The following ADGB variants were observed in gnomAD, a reference collection of about 807,000 sequenced individuals.
The protein encoded by ADGB is calpain-7-like protein.
In ADGB, 172 loss-of-function variants were observed where a neutral mutation model predicts 210.5. The observed-to-expected ratio is 0.82, with a 90% confidence interval of 0.72 to 0.93. ADGB has a LOEUF of 0.93. ADGB is among the 40% of genes least tolerant of loss of function. The pLI is 0.00. For synonymous variants in ADGB, 658 were observed against 662.7 expected (o/e 0.99, Z 0.11); for missense variants, 2,025 against 1,964.8 (o/e 1.03, Z -0.58).
intron 24 of ADGB, 109 bp from the exon 25 acceptor site, chr6:146,741,009 A>T: frequency 2.6e-6 from 2 of 772,318 alleles, no homozygotes; most frequent in Non-Finnish European, 3.8e-6. Context: ...TGTGCCTTTT[A>T]GTTATTTGGA....
At chr6:146,682,819 T>C (rs191920284) in intron 9 of ADGB, among the ~76,000 whole-genome samples, 91 of 152,318 alleles carry the variant, frequency 6.0e-4, no homozygotes, top group African/African-American at 2.1e-3. Context: ...ATAATTCTTA[T>C]ATTTTCTTGG....
chr6:146,741,690 C>T (rs998694671), intron 25 of ADGB, among the ~76,000 whole-genome samples: 1 of 152,108 alleles, frequency 6.6e-6, no homozygotes, highest in Admixed American at 6.6e-5. Flanking sequence ...TACATAGCCA[C>T]CAACCATCAC....
intron 29 of ADGB, among the ~76,000 whole-genome samples, chr6:146,773,720 C>A (rs1777686394): frequency 6.6e-6 from 1 of 152,128 alleles, no homozygotes; most frequent in African/African-American, 2.4e-5. Flanking sequence ...CTGATTTATT[C>A]CAAAGCCCAG....
chr6:146,709,911 G>A (rs1776635545), intron 13 of ADGB, among the ~76,000 whole-genome samples: 1 of 152,062 alleles, frequency 6.6e-6, no homozygotes, highest in African/African-American at 2.4e-5. Flanking sequence ...CTCTTATGAA[G>A]ATATTTTCTT....
Position 146,654,170 on chromosome 6 carries a change from C to T in ADGB, c.366C>T (p.Asp122=). The T allele has an allele frequency of 1.3e-6, 2 of 1,544,098 alleles. No homozygotes were observed. Among genetic ancestry groups the T allele is most frequent in the Non-Finnish European group, 1.8e-6 (2 of 1,141,950 alleles). The change falls in exon 4 of 36, where the codon GAC becomes GAT. Residue 122 remains aspartate (D), a synonymous_variant. Transcript: ENST00000397944. ...PVVVKNEITF[D]LFSANEHLLC... Reference sequence around the variant, plus strand: ...TTGTGAAAAATGAAATCACGTTTGACTTATTTTCAGCAAATGAACATTTAC... The same window carrying T: ...TTGTGAAAAATGAAATCACGTTTGATTTATTTTCAGCAAATGAACATTTAC...
At chr6:146,649,875 T>C (rs530725856) in intron 3 of ADGB, among the ~76,000 whole-genome samples, 5 of 152,324 alleles carry the variant, frequency 3.3e-5, no homozygotes, top group African/African-American at 1.2e-4. Context: ...ATTTTATGAA[T>C]ACTCACTTAC....
intron 2 of ADGB, among the ~76,000 whole-genome samples, chr6:146,642,050 A>G (rs1046160592): frequency 1.3e-5 from 2 of 152,152 alleles, no homozygotes; most frequent in Non-Finnish European, 2.9e-5. Flanking sequence ...ACTTAAACAC[A>G]TTTACAAGAG....
Position 146,717,563 on chromosome 6 carries a change from T to C in ADGB, c.1956T>C (p.Ser652=), listed in dbSNP as rs1776753721. ...ATATATATATTTTCCACAAGCCAAG[T>C]TCATATTGCCTTAACTTTCAAAAAT... ...FQNIYIFHKP[S]SYCLNFQKSE... The change falls in exon 16 of 36, where the codon AGT becomes AGC. Residue 652 remains serine, a synonymous_variant. Transcript: ENST00000397944. 2.1e-6 allele frequency: 3 copies of C among 1,409,582 alleles called. 1 individual carries two copies. The South Asian group carries it at 4.0e-5, about 19-fold the overall frequency. 87.3% of individuals were successfully genotyped at this position (1,409,582 alleles called of 1,614,324 possible). A position where few individuals can be genotyped will look rare whatever the true frequency, so the allele number is the denominator to read the frequency against.
At chr6:146,801,650 C>T (rs528615749) in intron 34 of ADGB, among the ~76,000 whole-genome samples, 178 bp from the exon 35 acceptor site, 2 of 152,312 alleles carry the variant, frequency 1.3e-5, no homozygotes, top group Admixed American at 1.3e-4. Context: ...ATCAGTGACT[C>T]AATAAATGGA....
At chr6:146,681,615 G>C (rs1349388903) in intron 9 of ADGB, among the ~76,000 whole-genome samples, 1 of 151,922 alleles carries the variant, frequency 6.6e-6, no homozygotes, top group Non-Finnish European at 1.5e-5. Context: ...AATTAGCCTT[G>C]GGAATTACAC....
chr6:146,652,448 C>T (rs969262854), intron 3 of ADGB, among the ~76,000 whole-genome samples: 1 of 151,996 alleles, frequency 6.6e-6, no homozygotes, highest in Admixed American at 6.6e-5. Flanking sequence ...CAAGATGCTG[C>T]TTGTATAGAT....
In ADGB at chr6:146,734,031, G is replaced by A; in HGVS notation, c.2794+1G>A. On this transcript the variant is annotated splice_donor_variant, in intron 22 of 35. Coordinates refer to ENST00000397944, the MANE Select transcript of ADGB (RefSeq NM_024694.4). LOFTEE classifies it high-confidence loss of function. ...TTGCTTATGAAAGCCAGAATACCAG[G>A]TATGATTGTCCAAACATTTATAAAA... 2 of 1,549,912 alleles carry A rather than the reference G, an allele frequency of 1.3e-6. No individual in the cohort carries two copies.
intron 1 of ADGB, among the ~76,000 whole-genome samples, chr6:146,619,126 G>A (rs981972246): frequency 6.8e-6 from 1 of 147,528 alleles, no homozygotes; most frequent in African/African-American, 2.5e-5. Context: ...TATATAGATA[G>A]ATAGATATAG....
intron 13 of ADGB, among the ~76,000 whole-genome samples, chr6:146,712,770 CACA>C (rs1310823638): frequency 3.3e-5 from 5 of 152,236 alleles, no homozygotes; most frequent in African/African-American, 7.2e-5. Context: ...GTGAAATACA[CACA>C]ACATTTACCA....
rs1778376782 is a variant in ADGB at position 146,815,409 on chromosome 6, A to G, written c.*192A>G. On this transcript the variant is annotated 3_prime_UTR_variant, in exon 36 of 36. Coordinates refer to ENST00000397944, the MANE Select transcript of ADGB (RefSeq NM_024694.4). ...AAGCCATTTGAGTTTAAGATGCTCTAATTTCAATAAAATAGCTTCCAAATA... is the reference window on the plus strand; with the variant it reads ...AAGCCATTTGAGTTTAAGATGCTCTGATTTCAATAAAATAGCTTCCAAATA... The G allele has an allele frequency of 2.7e-6, 1 of 367,754 alleles. No individual in the cohort carries two copies. The highest frequency in any genetic ancestry group is 4.7e-5 in the Admixed American group (1 of 21,248). The allele number at this position is 367,754 out of a possible 1,614,324, so 22.8% of individuals were successfully genotyped here.
intron 34 of ADGB, among the ~76,000 whole-genome samples, 165 bp from the exon 35 acceptor site, chr6:146,801,663 A>C (rs1407790284): frequency 2.6e-5 from 4 of 152,242 alleles, no homozygotes; most frequent in South Asian, 2.1e-4. Context: ...TAAATGGAGC[A>C]TAGCATATCT....
At chr6:146,679,316 C>T (rs558463329) in intron 9 of ADGB, among the ~76,000 whole-genome samples, 1 of 152,266 alleles carries the variant, frequency 6.6e-6, no homozygotes, top group South Asian at 2.1e-4. Flanking sequence ...GAGTCCCAGT[C>T]TAAATTATTA....
intron 25 of ADGB, among the ~76,000 whole-genome samples, chr6:146,745,210 T>C (rs1364451782): frequency 6.6e-6 from 1 of 152,148 alleles, no homozygotes; most frequent in Non-Finnish European, 1.5e-5. Flanking sequence ...GGAAGACAAA[T>C]CTATCTTTTT....
chr6:146,765,388 A>G (rs1326821280), intron 28 of ADGB, among the ~76,000 whole-genome samples: 13 of 152,042 alleles, frequency 8.6e-5, no homozygotes, highest in Non-Finnish European at 1.9e-4. Context: ...TTAGATATCT[A>G]TATGGAACAC....
Sources: allele counts gnomAD v4.1 joint callset (sites outside exome capture counted in the v4.1 genomes callset), GRCh38; gene constraint gnomAD v4.1.1; transcripts MANE v1.5; gene names NCBI Gene and HGNC (gene_info 2026-07-23, HGNC 2026-07-21).